Variants in ABCC1 observed in about 807,000 individuals in gnomAD.
ABCC1 encodes the protein ATP binding cassette subfamily C member 1 (ABCC1 blood group).
Under a neutral mutation model 172.9 loss-of-function variants are expected in ABCC1, and 83 were observed. The ratio of observed to expected loss-of-function variants is 0.48; its 90% CI spans 0.40 to 0.58. ABCC1 has a LOEUF of 0.58. ABCC1 is among the 20% of genes least tolerant of loss of function. ABCC1 has a pLI of 0.00. For synonymous variants in ABCC1, 937 were observed against 825.2 expected (o/e 1.14, Z -2.32); for missense variants, 1,817 against 2,002.7 (o/e 0.91, Z 1.77).
chr16:16,037,529 T>G (rs1162439651), intron 7 of ABCC1, among the ~76,000 whole-genome samples: 4 of 152,168 alleles, frequency 2.6e-5, no homozygotes, highest in African/African-American at 4.8e-5. Context: ...AAGACTTGTC[T>G]CGAGCCCGGA....
At chr16:15,985,540 G>T (rs1264718388) in intron 1 of ABCC1, among the ~76,000 whole-genome samples, 1 of 152,054 alleles carries the variant, frequency 6.6e-6, no homozygotes, top group Non-Finnish European at 1.5e-5. Flanking sequence ...CGCCTCCTGG[G>T]TTCAAGTGAT....
chr16:16,076,262 A>C, intron 14 of ABCC1, 64 bp from the exon 15 acceptor site: 1 of 1,481,388 alleles, frequency 6.8e-7, no homozygotes, highest in African/African-American at 1.4e-5. Flanking sequence ...AGAGAAAGAG[A>C]GTGTTCTGTG....
chr16:16,022,917 GTT>G (rs10532060), intron 5 of ABCC1, among the ~76,000 whole-genome samples: 67,996 of 151,408 alleles, frequency 0.45, 16,881 homozygotes, highest in Non-Finnish European at 0.57. Context: ...CTTTTGTTTT[GTT>G]TTTTGTTTTT....
intron 7 of ABCC1, among the ~76,000 whole-genome samples, chr16:16,038,563 C>T (rs894434575): frequency 1.3e-5 from 2 of 152,098 alleles, no homozygotes; most frequent in East Asian, 3.8e-4. Flanking sequence ...CCACATGGGG[C>T]GAGGATGGAT....
At chr16:16,140,691 A>G (rs2046093463) in intron 30 of ABCC1, among the ~76,000 whole-genome samples, 1 of 152,224 alleles carries the variant, frequency 6.6e-6, no homozygotes, top group Admixed American at 6.5e-5. Context: ...TTTTATGAAT[A>G]AAGTTTTATT....
chr16:16,072,957 A>G (rs1596461929), intron 14 of ABCC1, among the ~76,000 whole-genome samples: 1 of 150,946 alleles, frequency 6.6e-6, no homozygotes, highest in African/African-American at 2.4e-5. Context: ...CAGGAGAATC[A>G]CTTGAACCCA....
intron 5 of ABCC1, among the ~76,000 whole-genome samples, chr16:16,025,843 T>C (rs2048350663): frequency 6.6e-6 from 1 of 152,188 alleles, no homozygotes; most frequent in Non-Finnish European, 1.5e-5. Context: ...CTTCTCTGAA[T>C]TGTTTTCATT....
At chr16:15,986,168 C>T (rs569868528) in intron 1 of ABCC1, among the ~76,000 whole-genome samples, 18 of 151,936 alleles carry the variant, frequency 1.2e-4, no homozygotes, top group Admixed American at 2.0e-4. Flanking sequence ...CTCCTGACCC[C>T]GGGTGATCTA....
In ABCC1 at chr16:16,057,535, T is replaced by TAA. The variant is rs11399369; in HGVS notation, c.1677+1252_1677+1253dup. Among the ~76,000 whole-genome samples, 178 of 145,602 alleles carry TAA rather than the reference T, an allele frequency of 1.2e-3. 2 individuals carry two copies. Among genetic ancestry groups the TAA allele is most frequent in the Non-Finnish European group, 2.0e-3 (135 of 66,044 alleles). On this transcript the variant is annotated intron_variant, in intron 12 of 30. Transcript: ENST00000399410. ...GCTGAACAAATATTGTCATCCATTG[T>TAA]AAAAAAAAAAAAATACAGAAAGATA...
chr16:15,982,803 C>CAAAAAAA (rs148834444), intron 1 of ABCC1, among the ~76,000 whole-genome samples: 800 of 43,176 alleles, frequency 0.019, 72 homozygotes, highest in African/African-American at 0.064. Flanking sequence ...GAGACGCTGT[C>CAAAAAAA]AAAAAAAAAA....
intron 4 of ABCC1, 95 bp from the exon 5 acceptor site, chr16:16,016,401 G>T: frequency 6.7e-7 from 1 of 1,498,666 alleles, no homozygotes; most frequent in Non-Finnish European, 9.1e-7. Context: ...TGTTCTGCCT[G>T]TCTCGGCCTC....
At chr16:16,014,422 G>C (rs1419537917) in intron 3 of ABCC1, 69 bp from the exon 4 acceptor site, 7 of 1,560,070 alleles carry the variant, frequency 4.5e-6, no homozygotes, top group South Asian at 1.2e-5. Flanking sequence ...GCTCCAGCCT[G>C]GGTGACAAGA....
chr16:15,973,506 A>G (rs1040175721), intron 1 of ABCC1, among the ~76,000 whole-genome samples: 1 of 152,076 alleles, frequency 6.6e-6, no homozygotes, highest in Non-Finnish European at 1.5e-5. Context: ...CATGGACGCA[A>G]TCCACCTGCT....
chr16:16,134,310 G>A (rs907988054), intron 27 of ABCC1, 40 bp from the exon 28 acceptor site: 16 of 1,610,804 alleles, frequency 9.9e-6, no homozygotes, highest in African/African-American at 1.3e-5. Context: ...AAGTCCGGAT[G>A]CCAGCATTCC....
chr16:16,128,534 A>G (rs1567436649), intron 26 of ABCC1, among the ~76,000 whole-genome samples: 1 of 152,168 alleles, frequency 6.6e-6, no homozygotes, highest in African/African-American at 2.4e-5. Flanking sequence ...AGAGAAAGTA[A>G]TTGTCCTCAT....
At chr16:16,100,093 G>GA (rs540335695) in intron 19 of ABCC1, among the ~76,000 whole-genome samples, 153 of 146,790 alleles carry the variant, frequency 1.0e-3, no homozygotes, top group Middle Eastern at 3.6e-3. Context: ...TCAAGACAAG[G>GA]AAAAAAAAAA....
intron 16 of ABCC1, among the ~76,000 whole-genome samples, chr16:16,079,792 A>G (rs866197513): frequency 6.6e-6 from 1 of 150,912 alleles, no homozygotes; most frequent in Non-Finnish European, 1.5e-5. Flanking sequence ...CTGTTATTTT[A>G]TTATTATTAT....
At position 16,044,510 on chromosome 16, in the gene ABCC1, GGT is replaced by G. The variant is rs1567343198; in HGVS notation, c.872_873del (p.Val291GlyfsTer4). ...CTGCCCAGCCGAAAGAGAGTTCCAA[GGT>G]GGATGCGAATGAGGAGGTGGAGGCT... The part of the protein sequence containing the change: ...DPAQPKESSK[V>X]DANEEVEALI... On this transcript the variant is annotated frameshift_variant, in exon 8 of 31. Coordinates refer to ENST00000399410, the MANE Select transcript of ABCC1 (RefSeq NM_004996.4). LOFTEE classifies it high-confidence loss of function. 1 of 1,614,194 alleles carries G rather than the reference GGT, an allele frequency of 6.2e-7. No homozygotes were observed. The highest frequency in any genetic ancestry group is 8.5e-7 in the Non-Finnish European group (1 of 1,180,024).
intron 7 of ABCC1, among the ~76,000 whole-genome samples, chr16:16,043,220 C>CCGTTTTTTT (rs1437069469): frequency 5.4e-5 from 5 of 93,172 alleles, no homozygotes; most frequent in African/African-American, 3.0e-4. Flanking sequence ...GCTGGCTGGA[C>CCGTTTTTTT]TGTTTTTTTT....
Sources: gnomAD v4.1 joint callset for allele counts (sites outside exome capture counted in the v4.1 genomes callset) on GRCh38, gnomAD v4.1.1 for gene constraint, MANE v1.5 for transcripts, NCBI Gene and HGNC (gene_info 2026-07-23, HGNC 2026-07-21) for gene names.